CAMK1D: variants seen among roughly 807,000 people sequenced by gnomAD.
CAMK1D encodes the protein calcium/calmodulin-dependent protein kinase type 1D.
Under a neutral mutation model 47.7 loss-of-function variants are expected in CAMK1D, and 9 were observed. The observed-to-expected ratio is 0.19, with a 90% CI of 0.11 to 0.33. The LOEUF (loss-of-function observed/expected upper bound fraction) is 0.33, where lower values mean the gene tolerates loss of function less well. Ranked by LOEUF, CAMK1D falls within the 10% of genes least tolerant of loss-of-function variation. The pLI, the probability that CAMK1D is intolerant of heterozygous loss-of-function variation, is 1.00. For synonymous variants in CAMK1D, 184 were observed against 184.9 expected (o/e 0.99, Z 0.04); for missense variants, 291 against 488.7 (o/e 0.60, Z 3.81).
At chr10:12,644,210 C>T (rs1305224574) in intron 2 of CAMK1D, among the ~76,000 whole-genome samples, 4 of 152,150 alleles carry the variant, frequency 2.6e-5, no homozygotes, top group South Asian at 2.1e-4. Flanking sequence ...GTAAACTTCC[C>T]GCCCTATGGT....
At chr10:12,615,423 AGTCTGAGT>A (rs1564446218) in intron 2 of CAMK1D, among the ~76,000 whole-genome samples, 1 of 151,384 alleles carries the variant, frequency 6.6e-6, no homozygotes, top group East Asian at 1.9e-4. Flanking sequence ...GAACTTAGGG[AGTCTGAGT>A]GTGTGAGTGT....
At chr10:12,497,899 A>G (rs1834589964) in intron 1 of CAMK1D, among the ~76,000 whole-genome samples, 1 of 152,174 alleles carries the variant, frequency 6.6e-6, no homozygotes, top group African/African-American at 2.4e-5. Flanking sequence ...GGCTTAATGG[A>G]CTCACAGTTC....
intron 1 of CAMK1D, among the ~76,000 whole-genome samples, chr10:12,430,956 G>A (rs1832452795): frequency 6.6e-6 from 1 of 152,156 alleles, no homozygotes; most frequent in South Asian, 2.1e-4. Context: ...CGCCATGCTG[G>A]CCAGGCTGGT....
chr10:12,537,830 C>T (rs1314533762), intron 1 of CAMK1D, among the ~76,000 whole-genome samples: 1 of 152,180 alleles, frequency 6.6e-6, no homozygotes, highest in East Asian at 1.9e-4. Context: ...AGAAGATTAA[C>T]CTATGTATAT....
At chr10:12,380,665 G>A (rs369107428) in intron 1 of CAMK1D, among the ~76,000 whole-genome samples, 2 of 152,048 alleles carry the variant, frequency 1.3e-5, no homozygotes, top group Admixed American at 1.3e-4. Context: ...GACCATCCTG[G>A]CTAACACGGT....
At chr10:12,626,438 C>T (rs1006249507) in intron 2 of CAMK1D, among the ~76,000 whole-genome samples, 1 of 151,230 alleles carries the variant, frequency 6.6e-6, no homozygotes, top group Non-Finnish European at 1.5e-5. Flanking sequence ...GAATTCTTTA[C>T]ATTGTTTCTT....
At chr10:12,636,390 C>T (rs1233978197) in intron 2 of CAMK1D, among the ~76,000 whole-genome samples, 7 of 152,182 alleles carry the variant, frequency 4.6e-5, no homozygotes, top group Admixed American at 6.5e-5. Context: ...TGCGGTGGCA[C>T]GATCATAGCT....
intron 1 of CAMK1D, among the ~76,000 whole-genome samples, chr10:12,479,669 G>A (rs1328182069): frequency 1.3e-5 from 2 of 152,180 alleles, no homozygotes; most frequent in Non-Finnish European, 2.9e-5. Context: ...TTTAGAGTAT[G>A]TACAGCTCAG....
intron 1 of CAMK1D, among the ~76,000 whole-genome samples, chr10:12,503,662 C>G (rs1588562301): frequency 1.3e-5 from 2 of 152,210 alleles, no homozygotes; most frequent in East Asian, 1.9e-4. Context: ...CGAGGATTAA[C>G]TGCAGGGATG....
chr10:12,399,503 GA>G (rs34522793), intron 1 of CAMK1D, among the ~76,000 whole-genome samples: 1,542 of 140,862 alleles, frequency 0.011, 13 homozygotes, highest in African/African-American at 0.03. Flanking sequence ...GACTCCGTCT[GA>G]AAAAAAAAAA....
intron 3 of CAMK1D, among the ~76,000 whole-genome samples, chr10:12,745,934 C>G (rs1219395472): frequency 6.6e-6 from 1 of 152,116 alleles, no homozygotes; most frequent in African/African-American, 2.4e-5. Context: ...TTCCAGAATA[C>G]CACAACTCAA....
chr10:12,439,158 A>AC (rs371527266), intron 1 of CAMK1D, among the ~76,000 whole-genome samples: 55 of 152,306 alleles, frequency 3.6e-4, no homozygotes, highest in African/African-American at 1.0e-3. Context: ...CTGTCTGAGG[A>AC]CTTTGCCTTG....
At chr10:12,486,997 T>G (rs913367245) in intron 1 of CAMK1D, among the ~76,000 whole-genome samples, 1 of 152,146 alleles carries the variant, frequency 6.6e-6, no homozygotes, top group Non-Finnish European at 1.5e-5. Context: ...AGGAGAAATT[T>G]AGGAGCTAAT....
At chr10:12,530,011 C>T (rs767465098) in intron 1 of CAMK1D, among the ~76,000 whole-genome samples, 7 of 152,168 alleles carry the variant, frequency 4.6e-5, no homozygotes, top group Non-Finnish European at 8.8e-5. Context: ...AGACATTTAG[C>T]CAACTGGCAA....
At chr10:12,364,608 G>A (rs928949439) in intron 1 of CAMK1D, among the ~76,000 whole-genome samples, 2 of 141,968 alleles carry the variant, frequency 1.4e-5, no homozygotes, top group African/African-American at 5.5e-5. Context: ...GAGAAGTACT[G>A]ACTGATGTTA....
chr10:12,661,772 T>C (rs968056134), intron 2 of CAMK1D, among the ~76,000 whole-genome samples: 1 of 152,228 alleles, frequency 6.6e-6, no homozygotes, highest in African/African-American at 2.4e-5. Context: ...ATGAGATCTA[T>C]AGACTGGAAA....
intron 1 of CAMK1D, among the ~76,000 whole-genome samples, chr10:12,351,568 C>A (rs1000839541): frequency 6.6e-6 from 1 of 152,222 alleles, no homozygotes; most frequent in Non-Finnish European, 1.5e-5. Context: ...CCGAGCCCCC[C>A]ACACTGGCTT....
intron 1 of CAMK1D, among the ~76,000 whole-genome samples, chr10:12,385,573 A>T (rs1344318130): frequency 6.6e-6 from 1 of 152,154 alleles, no homozygotes; most frequent in Non-Finnish European, 1.5e-5. Context: ...CAGAAAGTAG[A>T]TTAGTGGTTG....
At chr10:12,774,340 G>A (rs1486749145) in intron 5 of CAMK1D, among the ~76,000 whole-genome samples, 1 of 152,084 alleles carries the variant, frequency 6.6e-6, no homozygotes, top group Non-Finnish European at 1.5e-5. Flanking sequence ...AGATTTGATA[G>A]GAGCGAGAGA....
Sources: allele counts gnomAD v4.1 joint callset (sites outside exome capture counted in the v4.1 genomes callset), GRCh38; gene constraint gnomAD v4.1.1; transcripts MANE v1.5; gene names NCBI Gene and HGNC (gene_info 2026-07-23, HGNC 2026-07-21).